The following PLS3 variants were observed in gnomAD, a reference collection of about 807,000 sequenced individuals.
PLS3 encodes the protein plastin-3.
PLS3 carries 11 observed loss-of-function variants against 46.5 expected under a neutral mutation model. That is an observed-to-expected ratio of 0.24 (90% CI 0.15 to 0.39). PLS3 has a LOEUF of 0.39. Among genes scored for constraint, PLS3 ranks in the 10% least tolerant of loss-of-function variants. The pLI, the probability that PLS3 is intolerant of heterozygous loss-of-function variation, is 1.00. For missense variants in PLS3, 308 were observed against 461.8 expected (o/e 0.67, Z 3.05); for synonymous variants, 167 against 162.2 (o/e 1.03, Z -0.22).
intron 1 of PLS3, among the ~76,000 whole-genome samples, chrX:115,607,125 C>G (rs1334360427): frequency 1.8e-5 from 2 of 110,528 alleles, no homozygotes; most frequent in East Asian, 5.7e-4. Context: ...TGGTGTCCCA[C>G]GGCTATAGTC....
intron 15 of PLS3, among the ~76,000 whole-genome samples, chrX:115,648,931 C>G (rs1185738773): frequency 1.8e-5 from 2 of 111,448 alleles, no homozygotes; most frequent in Non-Finnish European, 3.8e-5. Flanking sequence ...TCTACCTTTT[C>G]TAGTTTTTGG....
chrX:115,601,466 A>G (rs1249479094), intron 1 of PLS3, among the ~76,000 whole-genome samples: 3 of 108,189 alleles, frequency 2.8e-5, no homozygotes. Context: ...TCTGATAAAA[A>G]AAAAAAAAAA....
chrX:115,561,916 A>G (rs2074139097), intron 1 of PLS3, among the ~76,000 whole-genome samples: 1 of 110,808 alleles, frequency 9.0e-6, no homozygotes, highest in Non-Finnish European at 1.9e-5. Flanking sequence ...TAGTCTCCCT[A>G]TGAGTAAGCA....
intron 2 of PLS3, among the ~76,000 whole-genome samples, chrX:115,618,948 G>A (rs1452730434): frequency 8.9e-6 from 1 of 112,429 alleles, no homozygotes; most frequent in African/African-American, 3.2e-5. Flanking sequence ...ACAACGTTTT[G>A]ATAGTTAAAA....
Position 115,640,449 on chromosome X carries a change from A to G in PLS3, c.933A>G (p.Pro311=). 1 of 1,192,393 alleles carries G rather than the reference A, an allele frequency of 8.4e-7. No individual in the cohort carries two copies. The highest frequency in any genetic ancestry group is 1.1e-6 in the Non-Finnish European group (1 of 878,140). ...TCCATCTTCTCAATCAAATCGCACC[A>G]AAAGGACAAAAGGAAGGTGAACCAC... ...AYFHLLNQIA[P]KGQKEGEPRI... is the part of the protein sequence containing the mutation. Residue 311 remains proline (P), a synonymous_variant, in exon 9 of 16, where the codon CCA becomes CCG. Coordinates refer to ENST00000355899, the MANE Select transcript of PLS3 (RefSeq NM_005032.7).
intron 1 of PLS3, among the ~76,000 whole-genome samples, chrX:115,574,094 CTGTG>C (rs2147419856): frequency 8.9e-6 from 1 of 111,842 alleles, no homozygotes; most frequent in Non-Finnish European, 1.9e-5. Context: ...AAGCCATGTA[CTGTG>C]ACCACTGTAT....
intron 11 of PLS3, 103 bp downstream of exon 11, chrX:115,645,202 T>C (rs2074938786): frequency 1.8e-6 from 1 of 553,289 alleles, no homozygotes; most frequent in Non-Finnish European, 3.0e-6. Context: ...GTAGCTATTA[T>C]TTATATTGGA....
intron 5 of PLS3, 150 bp from the exon 6 acceptor site, chrX:115,633,850 A>G: frequency 2.2e-6 from 1 of 458,119 alleles, no homozygotes; most frequent in Non-Finnish European, 3.8e-6. Flanking sequence ...TATGATCAAC[A>G]TGATAAAAGT....
chrX:115,646,032 C>T, intron 11 of PLS3, 40 bp from the exon 12 acceptor site: 1 of 781,782 alleles, frequency 1.3e-6, no homozygotes, highest in Admixed American at 2.3e-5. Context: ...CAAGTCCCAG[C>T]TTCCTGAAAA....
chrX:115,613,423 A>C (rs1226354605), intron 2 of PLS3, among the ~76,000 whole-genome samples: 4 of 111,601 alleles, frequency 3.6e-5, no homozygotes, highest in Non-Finnish European at 7.5e-5. Flanking sequence ...TGATGCCACA[A>C]AAAAAAACAG....
intron 1 of PLS3, among the ~76,000 whole-genome samples, chrX:115,592,728 A>G (rs2074353961): frequency 8.9e-6 from 1 of 111,813 alleles, no homozygotes; most frequent in African/African-American, 3.2e-5. Context: ...TTTATGACAC[A>G]TATTAAATCA....
intron 5 of PLS3, among the ~76,000 whole-genome samples, chrX:115,631,983 T>C (rs1266783112): frequency 9.1e-6 from 1 of 109,770 alleles, no homozygotes; most frequent in African/African-American, 3.3e-5. Context: ...TTTGTATTTT[T>C]AGTAGAGACA....
chrX:115,594,705 A>C (rs782319057), intron 1 of PLS3, among the ~76,000 whole-genome samples: 1 of 106,111 alleles, frequency 9.4e-6, no homozygotes, highest in Admixed American at 1.0e-4. Context: ...ACACACACAT[A>C]TCCCTGAAAG....
rs369672812 is a variant in PLS3 at position 115,626,944 on chromosome X, G to A, written c.238-2254G>A. Among the ~76,000 whole-genome samples, 26 of 109,136 alleles carry A rather than the reference G, an allele frequency of 2.4e-4. 1 individual carries two copies. The South Asian group carries it at 9.2e-3, about 39-fold the overall frequency. 94.8% of individuals were successfully genotyped at this position (109,136 alleles called of 115,157 possible). A position where few individuals can be genotyped will look rare whatever the true frequency, so the allele number is the denominator to read the frequency against. The stretch of plus-strand genomic sequence containing the variant: ...GCTCACTGCAACCTCCATCTCCCGG[G>A]TTCAAGTGATTCTCATGCCTCAGCC... On this transcript the variant is annotated intron_variant, in intron 3 of 15. Coordinates refer to ENST00000355899, the MANE Select transcript of PLS3 (RefSeq NM_005032.7).
chrX:115,645,216 T>G (rs2074938909), intron 11 of PLS3, 117 bp downstream of exon 11: 1 of 507,599 alleles, frequency 2.0e-6, no homozygotes, highest in Admixed American at 3.4e-5. Flanking sequence ...TATTGGAAAA[T>G]GTCAAGTGGT....
Position 115,643,385 on chromosome X carries a change from A to AC in PLS3, c.1064dup (p.Ala356CysfsTer2). 1 of 1,189,186 alleles carries AC rather than the reference A, an allele frequency of 8.4e-7. No homozygotes were observed. On this transcript the variant is annotated frameshift_variant, in exon 10 of 16. Coordinates refer to ENST00000355899, the MANE Select transcript of PLS3 (RefSeq NM_005032.7). LOFTEE classifies it high-confidence loss of function. The stretch of plus-strand genomic sequence containing the variant: ...TAAATTAGGTTGCAGACAGTTTGTT[A>AC]CCCCTGCTGATGTTGTCAGTGGAAA...
intron 1 of PLS3, among the ~76,000 whole-genome samples, chrX:115,602,174 C>T (rs1396954971): frequency 8.9e-6 from 1 of 111,826 alleles, no homozygotes; most frequent in Non-Finnish European, 1.9e-5. Flanking sequence ...CATGATTGCA[C>T]TAATGTTGTA....
chrX:115,647,662 CAG>C lies in PLS3; in HGVS notation c.1627_1628del (p.Ser543PhefsTer2). ...TGAAGCTGGAAAATCAACTTCCATT[CAG>C]AGTTTTAAGGTCAGAATCCATATTT... Reference protein sequence around the residue: ...LSEAGKSTSIQSFKDKTISSS... With the variant: ...LSEAGKSTSIXSFKDKTISSS... On this transcript the variant is annotated frameshift_variant, in exon 14 of 16. Transcript: ENST00000355899. LOFTEE classifies it high-confidence loss of function. The C allele has an allele frequency of 8.3e-7, 1 of 1,205,830 alleles. No homozygotes were observed. Among genetic ancestry groups the C allele is most frequent in the Non-Finnish European group, 1.1e-6 (1 of 890,662 alleles).
intron 11 of PLS3, 80 bp from the exon 12 acceptor site, chrX:115,645,992 C>G: frequency 1.9e-6 from 1 of 533,764 alleles, no homozygotes; most frequent in Non-Finnish European, 3.3e-6. Context: ...TCTTGTTTGA[C>G]AATGTAGTGT....
Sources: gnomAD v4.1 joint callset for allele counts (sites outside exome capture counted in the v4.1 genomes callset) on GRCh38, gnomAD v4.1.1 for gene constraint, MANE v1.5 for transcripts, NCBI Gene and HGNC (gene_info 2026-07-23, HGNC 2026-07-21) for gene names.